The following RHOT2 variants were observed in gnomAD, a reference collection of about 807,000 sequenced individuals.
The protein encoded by RHOT2 is mitochondrial Rho GTPase 2.
Under a neutral mutation model 81.6 loss-of-function variants are expected in RHOT2, and 90 were observed. That is an observed-to-expected ratio of 1.10 (90% CI 0.93 to 1.31). The LOEUF (loss-of-function observed/expected upper bound fraction) is 1.31. Ranked by LOEUF, RHOT2 falls within the 40% of genes most tolerant of loss-of-function variation. The pLI, the probability that RHOT2 is intolerant of heterozygous loss-of-function variation, is 0.00. For synonymous variants in RHOT2, 512 were observed against 370.9 expected (o/e 1.38, Z -4.37); for missense variants, 1,014 against 841.9 (o/e 1.20, Z -2.53).
rs1004416161 is a variant in RHOT2 at position 670,677 on chromosome 16, G to A, written c.543G>A (p.Leu181=). 1.1e-5 allele frequency: 17 copies of A among 1,612,098 alleles called. No individual in the cohort carries two copies. The highest frequency in any genetic ancestry group is 1.4e-5 in the Non-Finnish European group (17 of 1,179,876). Residue 181 remains leucine (L), a splice_region_variant and synonymous_variant, in exon 9 of 19, where the codon TTG becomes TTA. Transcript: ENST00000315082. ...APLYDPEAKQ[L]RPACAQALTR... ...GTGCTGAGCCAACATCCCCACAGTT[G>A]AGGCCCGCGTGCGCCCAGGCGCTGA...
In RHOT2 at chr16:673,648, C is replaced by G. The variant is rs764639404; in HGVS notation, c.*42C>G. On this transcript the variant is annotated 3_prime_UTR_variant, in exon 19 of 19. Coordinates refer to ENST00000315082, the MANE Select transcript of RHOT2 (RefSeq NM_138769.3). ...GCCCCCTCCCCTGACCTGGGTGTGC[C>G]TCGCTGCTGGGGCTCTGCAGGGGCA... 7.0e-6 allele frequency: 11 copies of G among 1,579,418 alleles called. No individual in the cohort carries two copies. The highest frequency in any genetic ancestry group is 3.8e-5 in the Admixed American group (2 of 52,052).
At chr16:671,612 CGATGGGGCTGGCAGGGTGACA>C in intron 11 of RHOT2, 64 bp from the exon 12 acceptor site, 1 of 1,451,886 alleles carries the variant, frequency 6.9e-7, no homozygotes, top group Non-Finnish European at 9.5e-7. Context: ...CCGGCTGCAC[CGATGGGGCTGGCAGGGTGACA>C]GATGGGCTGA....
Position 671,932 on chromosome 16 carries a change from C to G in RHOT2, c.1027C>G (p.Pro343Ala). 1 of 1,612,332 alleles carries G rather than the reference C, an allele frequency of 6.2e-7. No homozygotes were observed. The highest frequency in any genetic ancestry group is 8.5e-7 in the Non-Finnish European group (1 of 1,179,842). ...FSVFPAAPWG[P>A]ELPRTVRTEA... is the part of the protein sequence containing the mutation. ...TGTGTTCCCAGCAGCGCCCTGGGGC[C>G]CCGAGCTCCCACGCACAGTCCGCAC... Residue 343 changes from proline to alanine, a missense_variant, in exon 13 of 19, where the codon CCC becomes GCC. Transcript: ENST00000315082.
In RHOT2 at chr16:670,706, G is replaced by A. The variant is rs555186984; in HGVS notation, c.572G>A (p.Arg191His). The A allele has an allele frequency of 1.1e-5, 17 of 1,612,322 alleles. No homozygotes were observed. The highest frequency in any genetic ancestry group is 8.9e-5 in the East Asian group (4 of 44,878). The change falls in exon 9 of 19, where the codon CGC (arginine) becomes CAC (histidine). Residue 191 changes from arginine to histidine, a missense_variant. Arg to His is a conservative substitution (Grantham distance 29, BLOSUM62 0). Coordinates refer to ENST00000315082, the MANE Select transcript of RHOT2 (RefSeq NM_138769.3). ...CCCGCGTGCGCCCAGGCGCTGACGC[G>A]CATCTTCAGGCTCTCAGATCAGGAC... The part of the protein sequence containing the change: ...LRPACAQALT[R>H]IFRLSDQDLD...
chr16:672,929 A>G lies in RHOT2; in HGVS notation c.1529A>G (p.His510Arg). 2 of 1,612,694 alleles carry G rather than the reference A, an allele frequency of 1.2e-6. No individual in the cohort carries two copies. Among genetic ancestry groups the G allele is most frequent in the Non-Finnish European group, 1.7e-6 (2 of 1,179,948 alleles). ...SFAHCASVYK[H>R]HYMDGQTPCL... The stretch of plus-strand genomic sequence containing the variant: ...CCTCATACCACTCTCTGCCCACAGC[A>G]CCATTACATGGACGGGCAGACCCCC... Residue 510 changes from histidine (H) to arginine (R), a missense_variant and splice_region_variant, in exon 18 of 19, where the codon CAC (histidine) becomes CGC (arginine). Coordinates refer to ENST00000315082, the MANE Select transcript of RHOT2 (RefSeq NM_138769.3).
At chr16:668,821 C>G (rs2038387924) in intron 4 of RHOT2, 122 bp downstream of exon 4, 1 of 1,092,816 alleles carries the variant, frequency 9.2e-7, no homozygotes, top group Non-Finnish European at 1.3e-6. Context: ...TCTGTGACCT[C>G]CGCACTGAGG....
In RHOT2 at chr16:672,840, G is replaced by T; in HGVS notation, c.1527+15G>T. On this transcript the variant is annotated intron_variant, in intron 17 of 18. Coordinates refer to ENST00000315082, the MANE Select transcript of RHOT2 (RefSeq NM_138769.3). ...GCGTCTACAAGGTGGGGCCCTGCAG[G>T]GGCCACGTGGCCATGGGGCAGGGTC... is the stretch of plus-strand genomic sequence containing the variant. 1 of 1,612,560 alleles carries T rather than the reference G, an allele frequency of 6.2e-7. No individual in the cohort carries two copies. Among genetic ancestry groups the T allele is most frequent in the Non-Finnish European group, 8.5e-7 (1 of 1,179,960 alleles).
intron 13 of RHOT2, 32 bp downstream of exon 13, chr16:672,034 G>A (rs781402654): frequency 2.5e-5 from 40 of 1,611,606 alleles, no homozygotes; most frequent in Non-Finnish European, 3.1e-5. Context: ...CCCGCCTGCC[G>A]CACCACCCTC....
chr16:669,023 C>T (rs986976129), intron 4 of RHOT2: 36 of 452,186 alleles, frequency 8.0e-5, no homozygotes, highest in Non-Finnish European at 1.3e-4. Flanking sequence ...CCGTCCCGGC[C>T]TCCGGGCACC....
chr16:671,810 G>GCCCCTCCCCCCCCCCC, intron 12 of RHOT2, 29 bp downstream of exon 12: 3 of 1,586,230 alleles, frequency 1.9e-6, no homozygotes, highest in South Asian at 1.1e-5. Flanking sequence ...CCCTGCCCCT[G>GCCCCTCCCCCCCCCCC]CCCCCGCCCC....
In RHOT2 at chr16:668,554, A is replaced by G. The variant is rs758013882; in HGVS notation, c.163A>G (p.Ile55Val). ...CACCCCGGAGAAGGTGCCCACCCAC[A>G]TCGTGGACTACTCAGGTAGCGGCCG... is the stretch of plus-strand genomic sequence containing the variant. ...DVTPEKVPTH[I>V]VDYSEAEQTD... Residue 55 changes from isoleucine to valine, a missense_variant, in exon 3 of 19, where the codon ATC (isoleucine) becomes GTC (valine). Ile to Val is a conservative substitution (Grantham distance 29). Coordinates refer to ENST00000315082, the MANE Select transcript of RHOT2 (RefSeq NM_138769.3). 6 of 1,610,244 alleles carry G rather than the reference A, an allele frequency of 3.7e-6. No homozygotes were observed. In the South Asian group the frequency reaches 5.5e-5, roughly 15 times the overall value.
chr16:670,661 C>T lies in RHOT2; in HGVS notation c.541-14C>T, dbSNP rs758097305. The stretch of plus-strand genomic sequence containing the variant: ...CGTGGGTCACCTGAGGGTGCTGAGC[C>T]AACATCCCCACAGTTGAGGCCCGCG... On this transcript the variant is annotated splice_polypyrimidine_tract_variant and intron_variant, in intron 8 of 18. Coordinates refer to ENST00000315082, the MANE Select transcript of RHOT2 (RefSeq NM_138769.3). The T allele has an allele frequency of 1.2e-6, 2 of 1,611,438 alleles. No individual in the cohort carries two copies. Among genetic ancestry groups the T allele is most frequent in the South Asian group, 2.2e-5 (2 of 91,068 alleles).
Position 670,152 on chromosome 16 carries a change from TG to T in RHOT2, c.312del (p.Thr105ProfsTer11). The T allele has an allele frequency of 1.3e-6, 2 of 1,590,878 alleles. No homozygotes were observed. Among genetic ancestry groups the T allele is most frequent in the Non-Finnish European group, 1.7e-6 (2 of 1,169,940 alleles). ...GAACTAAGTGGATCCCACTGGTGAA[TG>T]GGGGGACCACGCAGGGGCCCAGGTA... The part of the protein sequence containing the change: ...IRTKWIPLVN[G>X]GTTQGPRVPI... On this transcript the variant is annotated frameshift_variant, in exon 6 of 19. Transcript: ENST00000315082. LOFTEE classifies it high-confidence loss of function.
chr16:668,988 T>C (rs113310698), intron 4 of RHOT2: 7,272 of 506,064 alleles, frequency 0.014, 91 homozygotes, highest in Non-Finnish European at 0.019. Flanking sequence ...GTGCGCCACG[T>C]CCCCGTGCTG....
At chr16:672,031 G>A in intron 13 of RHOT2, 29 bp downstream of exon 13, 2 of 1,611,902 alleles carry the variant, frequency 1.2e-6, no homozygotes, top group Non-Finnish European at 1.7e-6. Flanking sequence ...ATGCCCGCCT[G>A]CCGCACCACC....
intron 18 of RHOT2, 92 bp from the exon 19 acceptor site, chr16:673,388 G>A (rs922338294): frequency 6.4e-7 from 1 of 1,573,194 alleles, no homozygotes; most frequent in African/African-American, 1.4e-5. Context: ...CCCGCCTGTG[G>A]GGCCCTGTGA....
chr16:672,205 C>G (rs754666798), intron 14 of RHOT2, 24 bp downstream of exon 14: 10 of 1,612,470 alleles, frequency 6.2e-6, no homozygotes, highest in Non-Finnish European at 8.5e-6. Flanking sequence ...CTCCCTGGGC[C>G]TGGGCCCAGT....
chr16:671,412 G>T (rs950940892), intron 11 of RHOT2: 12 of 748,616 alleles, frequency 1.6e-5, no homozygotes, highest in African/African-American at 3.5e-5. Context: ...GAGTCGGGGG[G>T]TGGGGGGGCT....
chr16:673,151 C>A, intron 18 of RHOT2, 21 bp downstream of exon 18: 1 of 1,604,622 alleles, frequency 6.2e-7, no homozygotes, highest in Non-Finnish European at 8.5e-7. Context: ...AGTAGCGCAG[C>A]CCTGGGGACT....
Sources: allele counts gnomAD v4.1 joint callset, GRCh38; gene constraint gnomAD v4.1.1; transcripts MANE v1.5; gene names NCBI Gene and HGNC (gene_info 2026-07-23, HGNC 2026-07-21).